Variants in TRIM71 observed in about 807,000 individuals in gnomAD.
TRIM71 encodes tripartite motif containing 71.
In TRIM71, 9 loss-of-function variants were observed where a neutral mutation model predicts 61.2. That is an observed-to-expected ratio of 0.15 (90% CI 0.09 to 0.26). TRIM71 has a LOEUF of 0.26. Ranked by LOEUF, TRIM71 falls within the 10% of genes least tolerant of loss-of-function variation. The pLI is 1.00. For missense variants in TRIM71, 998 were observed against 1,238.7 expected, an observed-to-expected ratio of 0.81 and a Z score of 2.92; for synonymous variants, 645 against 553.2, an observed-to-expected ratio of 1.17 and a Z score of -2.33.
At chr3:32,869,987 C>T (rs777768024) in intron 1 of TRIM71, among the ~76,000 whole-genome samples, 3 of 152,222 alleles carry the variant, frequency 2.0e-5, no homozygotes, top group Non-Finnish European at 4.4e-5. Context: ...TCCCGGGAGC[C>T]GCTGTTCATG....
intron 1 of TRIM71, among the ~76,000 whole-genome samples, chr3:32,855,611 C>T (rs982724308): frequency 6.6e-6 from 1 of 152,156 alleles, no homozygotes; most frequent in African/African-American, 2.4e-5. Context: ...TGGAAAGTAT[C>T]TGGGAGAAGC....
rs371940942 is a variant in TRIM71 at position 32,891,757 on chromosome 3, C to T, written c.2553C>T (p.Pro851=). The stretch of plus-strand genomic sequence containing the variant: ...GCCCTTCCGGCATCGCCATCACCCC[C>T]GACGGAATGATCGTTGTGGTGGACT... ...MDRPSGIAIT[P]DGMIVVVDFG... The change falls in exon 4 of 4, where the codon CCC becomes CCT. Residue 851 remains proline (P), a synonymous_variant. Coordinates refer to ENST00000383763, the MANE Select transcript of TRIM71 (RefSeq NM_001039111.3). This position sits in a 1 kb window ranked among gnomAD's most constrained non-coding sequence, Gnocchi z 8.2. 14 of 1,613,976 alleles carry T rather than the reference C, an allele frequency of 8.7e-6. No homozygotes were observed. Among genetic ancestry groups the T allele is most frequent in the Middle Eastern group, 1.6e-4 (1 of 6,084 alleles).
intron 1 of TRIM71, among the ~76,000 whole-genome samples, chr3:32,857,798 G>GTGCC (rs1696621857): frequency 6.6e-6 from 1 of 152,036 alleles, no homozygotes; most frequent in Admixed American, 6.5e-5. Flanking sequence ...TGGCGAAACC[G>GTGCC]TGTCTGTACT....
At chr3:32,861,630 A>C (rs989890596) in intron 1 of TRIM71, among the ~76,000 whole-genome samples, 3 of 152,116 alleles carry the variant, frequency 2.0e-5, no homozygotes, top group African/African-American at 7.2e-5. Flanking sequence ...TGCACTGAAG[A>C]TGTTTGCTCT....
In TRIM71 at chr3:32,890,326, C is replaced by T. The variant is rs940701068; in HGVS notation, c.1156-34C>T. 6.3e-7 allele frequency: 1 copy of T among 1,591,656 alleles called. No individual in the cohort carries two copies. The highest frequency in any genetic ancestry group is 8.6e-7 in the Non-Finnish European group (1 of 1,165,526). On this transcript the variant is annotated intron_variant, in intron 3 of 3. Coordinates refer to ENST00000383763, the MANE Select transcript of TRIM71 (RefSeq NM_001039111.3). This position sits in a 1 kb window ranked among gnomAD's most constrained non-coding sequence, Gnocchi z 6.2. ...ATTTTCTGTGCTTGGCTCTAAGCCT[C>T]TGTGTCTTTCTCCACTCTTGCTTTT...
chr3:32,892,074 A>C lies in TRIM71; in HGVS notation c.*263A>C. Reference sequence around the variant, plus strand: ...GTGATAATTTCTATCTACCTCATAAATCTTTACATTTCCTTCTGCAACAGG... The same window carrying C: ...GTGATAATTTCTATCTACCTCATAACTCTTTACATTTCCTTCTGCAACAGG... On this transcript the variant is annotated 3_prime_UTR_variant, in exon 4 of 4. Coordinates refer to ENST00000383763, the MANE Select transcript of TRIM71 (RefSeq NM_001039111.3). 5.0e-6 allele frequency: 2 copies of C among 403,300 alleles called. No individual in the cohort carries two copies. The highest frequency in any genetic ancestry group is 3.1e-5 in the South Asian group (1 of 32,454). 25.0% of individuals were successfully genotyped at this position (403,300 alleles called of 1,614,324 possible).
intron 1 of TRIM71, among the ~76,000 whole-genome samples, chr3:32,850,406 G>A (rs1696524796): frequency 6.6e-6 from 1 of 152,184 alleles, no homozygotes; most frequent in South Asian, 2.1e-4. Context: ...TACTTTCAGA[G>A]TGTTGATGTC....
intron 1 of TRIM71, among the ~76,000 whole-genome samples, chr3:32,833,556 A>G (rs1412111346): frequency 6.6e-6 from 1 of 152,122 alleles, no homozygotes; most frequent in East Asian, 1.9e-4. Context: ...GAAGTAAGAC[A>G]TTCAGTGTGT....
intron 2 of TRIM71, among the ~76,000 whole-genome samples, chr3:32,880,736 G>C (rs955447826): frequency 1.3e-5 from 2 of 152,120 alleles, no homozygotes; most frequent in Non-Finnish European, 2.9e-5. Flanking sequence ...CTTTCACTTT[G>C]CTGCTTTTCT....
intron 1 of TRIM71, among the ~76,000 whole-genome samples, chr3:32,856,469 A>G (rs368301083): frequency 1.3e-5 from 2 of 152,048 alleles, no homozygotes; most frequent in East Asian, 3.9e-4. Context: ...TAGACTGATA[A>G]CACTTTGAGG....
chr3:32,874,088 A>C, intron 2 of TRIM71, 103 bp downstream of exon 2: 1 of 1,265,038 alleles, frequency 7.9e-7, no homozygotes, highest in Non-Finnish European at 1.1e-6. Flanking sequence ...TGGGGGGTGG[A>C]ATAGTGACCC....
At chr3:32,846,448 A>G (rs1178353009) in intron 1 of TRIM71, among the ~76,000 whole-genome samples, 2 of 152,308 alleles carry the variant, frequency 1.3e-5, no homozygotes, top group South Asian at 2.1e-4. Context: ...TGGTATATAC[A>G]TACATTGTGG....
chr3:32,870,515 T>G (rs1696783552), intron 1 of TRIM71, among the ~76,000 whole-genome samples: 1 of 152,044 alleles, frequency 6.6e-6, no homozygotes, highest in Admixed American at 6.6e-5. Flanking sequence ...ACCCCTTTCA[T>G]TTGTATATCT....
At chr3:32,884,762 TAGG>T (rs1377449666) in intron 2 of TRIM71, among the ~76,000 whole-genome samples, 2 of 152,138 alleles carry the variant, frequency 1.3e-5, no homozygotes, top group African/African-American at 4.8e-5. Context: ...AATTTTATGA[TAGG>T]AGCTAAGTGG....
intron 1 of TRIM71, among the ~76,000 whole-genome samples, chr3:32,844,941 G>T (rs1187357584): frequency 6.6e-6 from 1 of 152,190 alleles, no homozygotes; most frequent in East Asian, 1.9e-4. Context: ...AGGTAATGAA[G>T]ACTGAGTTTT....
chr3:32,824,054 A>G (rs572189750), intron 1 of TRIM71, among the ~76,000 whole-genome samples: 3 of 9,590 alleles, frequency 3.1e-4, no homozygotes. Context: ...CAACCTGGGC[A>G]ACAGTGAGAC....
intron 1 of TRIM71, among the ~76,000 whole-genome samples, chr3:32,867,946 C>CT (rs1696756991): frequency 6.6e-6 from 1 of 151,952 alleles, no homozygotes; most frequent in Non-Finnish European, 1.5e-5. Flanking sequence ...TCCTAACACC[C>CT]CTTTTTTTAT....
chr3:32,846,235 C>G (rs1696473073), intron 1 of TRIM71, among the ~76,000 whole-genome samples: 2 of 152,018 alleles, frequency 1.3e-5, no homozygotes, highest in Admixed American at 1.3e-4. Flanking sequence ...ACCACCATGC[C>G]TGGCTAATTT....
intron 1 of TRIM71, among the ~76,000 whole-genome samples, chr3:32,838,114 T>A (rs1696356050): frequency 6.6e-6 from 1 of 152,186 alleles, no homozygotes; most frequent in African/African-American, 2.4e-5. Flanking sequence ...TGGAGACCCT[T>A]ACATCAGTAT....
Sources: gnomAD v4.1 joint callset for allele counts (sites outside exome capture counted in the v4.1 genomes callset) on GRCh38, gnomAD v4.1.1 for gene constraint, Gnocchi (gnomAD v3.1) non-coding constraint, MANE v1.5 for transcripts, NCBI Gene and HGNC (gene_info 2026-07-23, HGNC 2026-07-21) for gene names.